ERBB4: variants seen among roughly 807,000 people sequenced by gnomAD.
ERBB4 encodes the protein erb-b2 receptor tyrosine kinase 4.
A neutral mutation model predicts 158.0 loss-of-function variants in ERBB4; 42 were observed. The ratio of observed to expected loss-of-function variants is 0.27; its 90% CI spans 0.21 to 0.34. The LOEUF is 0.34. Ranked by LOEUF, ERBB4 falls within the 10% of genes least tolerant of loss-of-function variation. ERBB4 has a pLI of 1.00. For missense variants in ERBB4, 1,333 were observed against 1,624.1 expected (o/e 0.82, Z 3.08); for synonymous variants, 583 against 558.7 (o/e 1.04, Z -0.61).
At chr2:212,230,290 A>G (rs577823962) in intron 1 of ERBB4, among the ~76,000 whole-genome samples, 1 of 152,196 alleles carries the variant, frequency 6.6e-6, no homozygotes, top group Non-Finnish European at 1.5e-5. Flanking sequence ...CTTGAAAAAA[A>G]AGGAAAAAGA....
At chr2:211,839,221 AAGAG>A (rs1559562339) in intron 3 of ERBB4, among the ~76,000 whole-genome samples, 2 of 148,640 alleles carry the variant, frequency 1.3e-5, no homozygotes, top group African/African-American at 5.0e-5. Context: ...GAGAGAGAGA[AAGAG>A]AGAAAGAAGA....
intron 3 of ERBB4, among the ~76,000 whole-genome samples, chr2:211,867,209 T>C (rs2078232405): frequency 6.6e-6 from 1 of 152,158 alleles, no homozygotes; most frequent in African/African-American, 2.4e-5. Flanking sequence ...TCAATGTAGT[T>C]AATATTTTGT....
At chr2:212,054,957 G>A (rs1463489405) in intron 2 of ERBB4, among the ~76,000 whole-genome samples, 1 of 152,150 alleles carries the variant, frequency 6.6e-6, no homozygotes, top group Non-Finnish European at 1.5e-5. Flanking sequence ...GTGGGGGCAG[G>A]ACAGTGGGTG....
At chr2:211,557,308 T>C (rs528465404) in intron 20 of ERBB4, among the ~76,000 whole-genome samples, 5 of 152,248 alleles carry the variant, frequency 3.3e-5, no homozygotes, top group African/African-American at 1.2e-4. Flanking sequence ...CAAAAGAAAC[T>C]ATCCACAGAG....
intron 3 of ERBB4, among the ~76,000 whole-genome samples, chr2:211,820,522 T>C (rs899194212): frequency 2.2e-4 from 33 of 151,904 alleles, no homozygotes; most frequent in African/African-American, 7.7e-4. Context: ...GAAGATTTAA[T>C]ACCAATTCTT....
At chr2:211,681,843 C>T (rs10177033) in intron 12 of ERBB4, among the ~76,000 whole-genome samples, 149,997 of 151,966 alleles carry the variant, frequency 0.99, 74,032 homozygotes, top group East Asian at 1. Flanking sequence ...ACTTATCAAC[C>T]TTTTTTTTGA....
chr2:212,171,795 C>A (rs372661229), intron 1 of ERBB4, among the ~76,000 whole-genome samples: 5 of 152,272 alleles, frequency 3.3e-5, no homozygotes, highest in African/African-American at 1.2e-4. Context: ...TCATGAGGAA[C>A]TGTGGGTCAA....
intron 1 of ERBB4, among the ~76,000 whole-genome samples, chr2:212,240,592 C>T (rs902300439): frequency 1.5e-4 from 19 of 123,640 alleles, no homozygotes; most frequent in Admixed American, 8.2e-4. Context: ...GAGCCGAGAT[C>T]GTGCCATTGC....
rs1276112820 is a variant in ERBB4 at position 212,383,385 on chromosome 2, C to A, written c.82+155064G>T. Among the ~76,000 whole-genome samples the A allele has an allele frequency of 3.3e-5, 5 of 151,360 alleles. No homozygotes were observed. The Admixed American group carries it at 3.3e-4, about 10-fold the overall frequency. ...TAGAAGTTTCTACTTATTCATATTT[C>A]TTAGAAGTTTCCACTTATCCGAAAG... is the stretch of plus-strand genomic sequence containing the variant. On this transcript the variant is annotated intron_variant, in intron 1 of 27. Transcript: ENST00000342788.
intron 1 of ERBB4, among the ~76,000 whole-genome samples, chr2:212,494,203 A>T (rs944817951): frequency 6.6e-6 from 1 of 151,928 alleles, no homozygotes; most frequent in Non-Finnish European, 1.5e-5. Flanking sequence ...TAACTGACAA[A>T]CCCAAGTAAA....
intron 2 of ERBB4, among the ~76,000 whole-genome samples, chr2:212,119,715 C>T (rs1282211695): frequency 6.6e-6 from 1 of 151,882 alleles, no homozygotes; most frequent in Non-Finnish European, 1.5e-5. Context: ...TTTCTCTTCC[C>T]AAAAAGAAAT....
At chr2:211,949,832 C>A (rs13409719) in intron 2 of ERBB4, among the ~76,000 whole-genome samples, 21,015 of 152,134 alleles carry the variant, frequency 0.14, 1,870 homozygotes, top group East Asian at 0.28. Flanking sequence ...TACACTTTTA[C>A]CTGCTTCAAT....
At chr2:212,275,961 G>GT (rs1322191055) in intron 1 of ERBB4, among the ~76,000 whole-genome samples, 2 of 151,794 alleles carry the variant, frequency 1.3e-5, no homozygotes, top group Non-Finnish European at 2.9e-5. Flanking sequence ...AGATTGTTGA[G>GT]TTTTTCCAAA....
At position 211,678,961 on chromosome 2, in the gene ERBB4, C is replaced by T. The variant is rs112997136; in HGVS notation, c.1622+91G>A. ...CAGCCAGGGCGACAGAGCGAGACTC[C>T]GTCTCAAAAAAAAAAAAAAAAAAAA... On this transcript the variant is annotated intron_variant, in intron 13 of 27. Coordinates refer to ENST00000342788, the MANE Select transcript of ERBB4 (RefSeq NM_005235.3). The T allele has an allele frequency of 1.2e-3, 1,266 of 1,034,756 alleles. 12 individuals are homozygous for T. The African/African-American group carries it at 0.024, about 19-fold the overall frequency. The allele number at this position is 1,034,756 out of a possible 1,614,324, so 64.1% of individuals were successfully genotyped here.
chr2:212,140,465 A>G (rs905923751), intron 1 of ERBB4, among the ~76,000 whole-genome samples: 1 of 147,702 alleles, frequency 6.8e-6, no homozygotes, highest in African/African-American at 2.5e-5. Context: ...TGTCATTTCT[A>G]AATTTATACT....
chr2:212,225,771 C>T (rs1321242251), intron 1 of ERBB4, among the ~76,000 whole-genome samples: 1 of 151,870 alleles, frequency 6.6e-6, no homozygotes, highest in Admixed American at 6.6e-5. Context: ...TTCCTTCTTT[C>T]TTTCTCTTTA....
chr2:211,901,412 C>T (rs554160133), intron 3 of ERBB4, among the ~76,000 whole-genome samples: 16 of 152,206 alleles, frequency 1.1e-4, no homozygotes, highest in African/African-American at 3.4e-4. Flanking sequence ...TGTGTGTGGG[C>T]GCTGATCCTG....
chr2:212,022,205 T>A (rs936591130), intron 2 of ERBB4, among the ~76,000 whole-genome samples: 1 of 152,132 alleles, frequency 6.6e-6, no homozygotes, highest in Admixed American at 6.6e-5. Flanking sequence ...GGAATATAAA[T>A]CATTCGATTA....
At chr2:211,465,172 C>A (rs7577242) in intron 20 of ERBB4, among the ~76,000 whole-genome samples, 90,174 of 151,638 alleles carry the variant, frequency 0.59, 29,871 homozygotes, top group South Asian at 0.75. Flanking sequence ...AAGCCAGTTC[C>A]GTGCTTTAAA....
Sources: allele counts gnomAD v4.1 joint callset (sites outside exome capture counted in the v4.1 genomes callset), GRCh38; gene constraint gnomAD v4.1.1; transcripts MANE v1.5; gene names NCBI Gene and HGNC (gene_info 2026-07-23, HGNC 2026-07-21).